The following ATG10 variants were observed in gnomAD, a reference collection of about 807,000 sequenced individuals.
ATG10 encodes autophagy related 10.
A neutral mutation model predicts 32.1 loss-of-function variants in ATG10; 30 were observed. The ratio of observed to expected loss-of-function variants is 0.94; its 90% CI spans 0.70 to 1.27. ATG10 has a LOEUF of 1.27. ATG10 is among the 50% of genes most tolerant of loss of function. ATG10 has a pLI of 0.00. For synonymous variants in ATG10, 87 were observed against 91.5 expected (o/e 0.95, Z 0.28); for missense variants, 233 against 262.3 (o/e 0.89, Z 0.77).
At chr5:82,221,303 C>G (rs1745916024) in intron 5 of ATG10, among the ~76,000 whole-genome samples, 1 of 152,150 alleles carries the variant, frequency 6.6e-6, no homozygotes, top group South Asian at 2.1e-4. Flanking sequence ...ACAACCTCTT[C>G]TACAGTAGGG....
intron 1 of ATG10, among the ~76,000 whole-genome samples, chr5:81,978,417 C>T (rs971684962): frequency 5.3e-5 from 8 of 152,124 alleles, no homozygotes; most frequent in Non-Finnish European, 8.8e-5. Context: ...ACCCCATTAT[C>T]TCCTTATTTC....
intron 3 of ATG10, among the ~76,000 whole-genome samples, chr5:82,086,340 T>G (rs2149788238): frequency 6.6e-6 from 1 of 152,220 alleles, no homozygotes; most frequent in Non-Finnish European, 1.5e-5. Flanking sequence ...GGAATAAAAT[T>G]TAAAATTACA....
chr5:82,172,857 CA>C (rs772246097), intron 4 of ATG10, among the ~76,000 whole-genome samples: 10 of 152,118 alleles, frequency 6.6e-5, no homozygotes, highest in Non-Finnish European at 1.3e-4. Flanking sequence ...CAGAATTAGC[CA>C]GTATAGTAGC....
intron 5 of ATG10, among the ~76,000 whole-genome samples, chr5:82,227,371 A>T (rs186019340): frequency 1.7e-4 from 25 of 151,072 alleles, no homozygotes; most frequent in African/African-American, 5.1e-4. Context: ...ATATTTTAAA[A>T]TTTTATTTTA....
intron 3 of ATG10, among the ~76,000 whole-genome samples, chr5:82,100,934 A>T (rs748286995): frequency 5.3e-5 from 8 of 152,120 alleles, no homozygotes; most frequent in Non-Finnish European, 1.0e-4. Context: ...CATCTGGTGG[A>T]TTGCATTGAG....
chr5:82,111,284 T>G (rs1765612779), intron 3 of ATG10: 1 of 152,068 alleles, frequency 6.6e-6, no homozygotes, highest in Non-Finnish European at 1.5e-5. Context: ...GAATTTTAAC[T>G]GTGACTCATA....
intron 3 of ATG10, among the ~76,000 whole-genome samples, chr5:82,139,057 C>T (rs995900256): frequency 3.1e-4 from 46 of 149,682 alleles, no homozygotes; most frequent in African/African-American, 9.9e-4. Flanking sequence ...TTGGCCGGGC[C>T]GGTCTCCAGC....
At position 82,133,138 on chromosome 5, in the gene ATG10, G is replaced by C. The variant is rs184119976; in HGVS notation, c.217-31261G>C. ...TTCTTTGTAGATTCTGGATATTAGC[G>C]CTTTGTCAGATGGATAGATTGCAAA... On this transcript the variant is annotated intron_variant, in intron 3 of 7. Transcript: ENST00000282185. Among the ~76,000 whole-genome samples the C allele has an allele frequency of 2.4e-3, 366 of 152,032 alleles. 2 individuals carry two copies. The highest frequency in any genetic ancestry group is 8.3e-3 in the African/African-American group (345 of 41,502).
intron 3 of ATG10, among the ~76,000 whole-genome samples, chr5:82,141,393 T>C (rs949196362): frequency 2.0e-5 from 3 of 152,154 alleles, no homozygotes; most frequent in African/African-American, 7.2e-5. Flanking sequence ...GAAAATTACT[T>C]TTTGGGGTTT....
rs185328848 is a variant in ATG10 at position 81,991,460 on chromosome 5, A to G, written c.108+3782A>G. Among the ~76,000 whole-genome samples the G allele has an allele frequency of 1.7e-4, 26 of 152,234 alleles. No homozygotes were observed. In the Middle Eastern group the frequency reaches 0.01, roughly 60 times the overall value. ...TCAAGAGTGAACATATTCATCACCC[A>G]ATAAAGTTTCCTCATACTCCTGCTT... On this transcript the variant is annotated intron_variant, in intron 2 of 7. Transcript: ENST00000282185.
At chr5:82,244,007 T>C (rs1263440321) in intron 5 of ATG10, among the ~76,000 whole-genome samples, 2 of 152,108 alleles carry the variant, frequency 1.3e-5, no homozygotes, top group Non-Finnish European at 2.9e-5. Flanking sequence ...ACACATATGG[T>C]AGGGACTATC....
intron 1 of ATG10, among the ~76,000 whole-genome samples, chr5:81,975,435 C>G (rs1760841604): frequency 6.6e-6 from 1 of 152,192 alleles, no homozygotes; most frequent in Non-Finnish European, 1.5e-5. Flanking sequence ...TGATTCAGCA[C>G]TTTGGGAGGC....
chr5:82,132,449 CTGTGTCCA>C (rs898811102), intron 3 of ATG10, among the ~76,000 whole-genome samples: 1 of 150,130 alleles, frequency 6.7e-6, no homozygotes, highest in Non-Finnish European at 1.5e-5. Flanking sequence ...GTTCCCCTCC[CTGTGTCCA>C]TGTGTTCTCA....
chr5:82,116,689 G>A (rs1226900462), intron 3 of ATG10, among the ~76,000 whole-genome samples: 3 of 151,974 alleles, frequency 2.0e-5, no homozygotes, highest in Admixed American at 6.6e-5. Context: ...AACATCATCT[G>A]GCTACGCCTC....
At chr5:82,186,507 A>G (rs1169721393) in intron 5 of ATG10, among the ~76,000 whole-genome samples, 1 of 152,028 alleles carries the variant, frequency 6.6e-6, no homozygotes, top group Non-Finnish European at 1.5e-5. Context: ...TTAGATTATC[A>G]GTCTGTACAT....
At chr5:81,980,027 A>G (rs1217520996) in intron 1 of ATG10, among the ~76,000 whole-genome samples, 1 of 152,054 alleles carries the variant, frequency 6.6e-6, no homozygotes, top group African/African-American at 2.4e-5. Context: ...ATGTGCTTAT[A>G]CACTGAAACA....
intron 1 of ATG10, among the ~76,000 whole-genome samples, chr5:81,974,495 T>A (rs1011593005): frequency 6.6e-6 from 1 of 152,234 alleles, no homozygotes; most frequent in Admixed American, 6.5e-5. Flanking sequence ...ATCACTGTCA[T>A]GTAACATCTT....
At chr5:82,021,225 A>C (rs1205136902) in intron 2 of ATG10, among the ~76,000 whole-genome samples, 1 of 152,198 alleles carries the variant, frequency 6.6e-6, no homozygotes, top group Non-Finnish European at 1.5e-5. Flanking sequence ...TTGGTATTGA[A>C]TAGTAGAAGA....
At chr5:82,107,587 A>C (rs1353192538) in intron 3 of ATG10, among the ~76,000 whole-genome samples, 3 of 152,082 alleles carry the variant, frequency 2.0e-5, no homozygotes, top group Non-Finnish European at 4.4e-5. Flanking sequence ...TAATTTGTTG[A>C]TTTTACATTT....
Sources: gnomAD v4.1 joint callset for allele counts (sites outside exome capture counted in the v4.1 genomes callset) on GRCh38, gnomAD v4.1.1 for gene constraint, MANE v1.5 for transcripts, NCBI Gene and HGNC (gene_info 2026-07-23, HGNC 2026-07-21) for gene names.